FOXP1: variants seen among roughly 807,000 people sequenced by gnomAD.
FOXP1 encodes forkhead box P1, also known as forkhead box protein P1.
In FOXP1, 15 loss-of-function variants were observed where a neutral mutation model predicts 98.2. That is an observed-to-expected ratio of 0.15 (90% CI 0.10 to 0.24). The LOEUF is 0.24. Among genes scored for constraint, FOXP1 ranks in the 10% least tolerant of loss-of-function variants. The probability of loss-of-function intolerance (pLI) is 1.00; values close to 1 mark genes in which losing one functional copy is unlikely to be tolerated. For missense variants in FOXP1, 633 were observed against 848.5 expected (o/e 0.75, Z 3.15); for synonymous variants, 371 against 314.5 (o/e 1.18, Z -1.90).
chr3:71,027,028 G>A (rs188262815), intron 11 of FOXP1, among the ~76,000 whole-genome samples: 64 of 152,308 alleles, frequency 4.2e-4, no homozygotes, highest in Admixed American at 1.6e-3. Flanking sequence ...GTTTACCACT[G>A]GCAGTATTAA....
rs1473200381 is a variant in FOXP1, at chr3:71,516,995, CCT to C, written c.-297-23442_-297-23441del. On this transcript the variant is annotated intron_variant, in intron 2 of 20. Coordinates refer to ENST00000649528, the MANE Select transcript of FOXP1 (RefSeq NM_001349338.3). ...TGTGTGTGTGCTTTCTCTTTCACCCCCTGTGAATTTTAAATAGCTACATCATT... is the reference window on the plus strand; with the variant it reads ...TGTGTGTGTGCTTTCTCTTTCACCCCGTGAATTTTAAATAGCTACATCATT... Among the ~76,000 whole-genome samples the C allele has an allele frequency of 3.9e-5, 6 of 152,168 alleles. No individual in the cohort carries two copies. The East Asian group carries it at 9.6e-4, about 24-fold the overall frequency.
At chr3:70,983,141 C>G (rs1345163130) in intron 14 of FOXP1, among the ~76,000 whole-genome samples, 1 of 151,650 alleles carries the variant, frequency 6.6e-6, no homozygotes, top group Non-Finnish European at 1.5e-5. Flanking sequence ...TTGTTACAAG[C>G]CTTTCCTTTC....
intron 5 of FOXP1, among the ~76,000 whole-genome samples, chr3:71,295,222 T>C (rs1385811947): frequency 6.6e-6 from 1 of 152,196 alleles, no homozygotes; most frequent in Non-Finnish European, 1.5e-5. Context: ...ACAACTTCCT[T>C]AATTAATGGT....
rs186307501 is a variant in FOXP1, at chr3:71,320,830, C to T, written c.-72-20950G>A. On this transcript the variant is annotated intron_variant, in intron 4 of 20. Coordinates refer to ENST00000649528, the MANE Select transcript of FOXP1 (RefSeq NM_001349338.3). ...TCCCTACTACAATGGTTCAGCAACA[C>T]GCGGCCAAGCAAATCAAGTCTGCAT... 2.4e-4 allele frequency among the ~76,000 whole-genome samples: 37 copies of T among 152,246 alleles called. No homozygotes were observed. The East Asian group carries it at 6.4e-3, about 26-fold the overall frequency.
chr3:71,252,132 C>G (rs2068244250), intron 5 of FOXP1, among the ~76,000 whole-genome samples: 1 of 152,130 alleles, frequency 6.6e-6, no homozygotes, highest in Admixed American at 6.5e-5. Flanking sequence ...ATCTCTTTCT[C>G]TCTCTCTCAC....
intron 2 of FOXP1, among the ~76,000 whole-genome samples, chr3:71,564,777 T>C (rs1238232791): frequency 6.6e-6 from 1 of 152,232 alleles, no homozygotes; most frequent in Non-Finnish European, 1.5e-5. Flanking sequence ...GGGGAAGTTA[T>C]TTCCATAACA....
Position 71,141,140 on chromosome 3 carries a change from C to T in FOXP1, c.181-28503G>A, listed in dbSNP as rs529936131. ...AAAATTAGCCAGGCGTGGTGGCAGG[C>T]GCCTGTAGTTCCAGCTACTAGGGAG... On this transcript the variant is annotated intron_variant, in intron 6 of 20. Transcript: ENST00000649528. 1.7e-3 allele frequency among the ~76,000 whole-genome samples: 255 copies of T among 151,736 alleles called. 1 individual carries two copies. Among genetic ancestry groups the T allele is most frequent in the African/African-American group, 6.0e-3 (246 of 41,342 alleles).
intron 6 of FOXP1, among the ~76,000 whole-genome samples, chr3:71,147,148 C>A (rs1190594782): frequency 6.6e-6 from 1 of 152,216 alleles, no homozygotes; most frequent in East Asian, 1.9e-4. Flanking sequence ...TGGGTCTGCA[C>A]CAAGTAGGCA....
chr3:71,362,086 G>A (rs939255485), intron 3 of FOXP1, among the ~76,000 whole-genome samples: 6 of 152,182 alleles, frequency 3.9e-5, no homozygotes, highest in African/African-American at 1.4e-4. Context: ...AAGGCCCCTG[G>A]ATCACAATAT....
intron 3 of FOXP1, among the ~76,000 whole-genome samples, chr3:71,413,865 ACTTTTTT>A (rs1228203382): frequency 6.6e-6 from 1 of 152,074 alleles, no homozygotes; most frequent in Non-Finnish European, 1.5e-5. Context: ...ACCTGTAGGC[ACTTTTTT>A]CTTTTATCTC....
At chr3:70,981,488 A>C (rs2038854715) in intron 14 of FOXP1, among the ~76,000 whole-genome samples, 1 of 152,216 alleles carries the variant, frequency 6.6e-6, no homozygotes, top group East Asian at 1.9e-4. Flanking sequence ...GGAGACGCGG[A>C]TGGAGGTGAT....
intron 4 of FOXP1, among the ~76,000 whole-genome samples, chr3:71,356,419 G>C (rs535040345): frequency 6.6e-6 from 1 of 152,118 alleles, no homozygotes; most frequent in Admixed American, 6.5e-5. Context: ...GAGGAGCAAT[G>C]GACTGCGAAA....
chr3:71,284,012 A>T (rs1427852664), intron 5 of FOXP1, among the ~76,000 whole-genome samples: 2 of 152,218 alleles, frequency 1.3e-5, no homozygotes, highest in African/African-American at 4.8e-5. Flanking sequence ...AAAGAAACAA[A>T]TACAACTTCT....
At chr3:71,230,994 T>C (rs1163056527) in intron 5 of FOXP1, among the ~76,000 whole-genome samples, 1 of 152,206 alleles carries the variant, frequency 6.6e-6, no homozygotes, top group Non-Finnish European at 1.5e-5. Context: ...AGTCTGACTA[T>C]CCAGATACTT....
intron 3 of FOXP1, among the ~76,000 whole-genome samples, chr3:71,464,512 C>G (rs1219107606): frequency 4.6e-5 from 7 of 152,210 alleles, no homozygotes; most frequent in Admixed American, 3.3e-4. Context: ...CATGCTCAGC[C>G]TCTTTGGGAG....
chr3:71,171,496 C>A (rs1032798549), intron 6 of FOXP1, among the ~76,000 whole-genome samples: 2 of 152,166 alleles, frequency 1.3e-5, no homozygotes, highest in Admixed American at 1.3e-4. Context: ...TTCCCGCTCC[C>A]GGCTCTGTCA....
chr3:71,343,572 TTGAGATGTAGTCTCAC>T (rs1239837331), intron 4 of FOXP1, among the ~76,000 whole-genome samples: 3 of 150,468 alleles, frequency 2.0e-5, no homozygotes, highest in Non-Finnish European at 4.4e-5. Context: ...TTTTTTTTTT[TTGAGATGTAGTCTCAC>T]TTTGTCACCC....
At chr3:71,436,763 C>G (rs969703108) in intron 3 of FOXP1, among the ~76,000 whole-genome samples, 2 of 152,024 alleles carry the variant, frequency 1.3e-5, no homozygotes, top group Non-Finnish European at 1.5e-5. Context: ...AAACCAACTC[C>G]GACTTGGAGC....
At chr3:71,292,982 C>G (rs1243438708) in intron 5 of FOXP1, among the ~76,000 whole-genome samples, 2 of 152,180 alleles carry the variant, frequency 1.3e-5, no homozygotes, top group African/African-American at 4.8e-5. Flanking sequence ...ACAGCTTCAA[C>G]TTTTAAATGG....
Sources: allele counts gnomAD v4.1 joint callset (sites outside exome capture counted in the v4.1 genomes callset), GRCh38; gene constraint gnomAD v4.1.1; transcripts MANE v1.5; gene names NCBI Gene and HGNC (gene_info 2026-07-23, HGNC 2026-07-21).